TMEM242: variants seen among roughly 807,000 people sequenced by gnomAD.
TMEM242 encodes transmembrane protein 242.
A neutral mutation model predicts 18.2 loss-of-function variants in TMEM242; 10 were observed. That is an observed-to-expected ratio of 0.55 (90% CI 0.34 to 0.93). TMEM242 has a LOEUF of 0.93. Among genes scored for constraint, TMEM242 ranks in the 40% least tolerant of loss-of-function variants. TMEM242 has a pLI of 0.02. For synonymous variants in TMEM242, 57 were observed against 69.9 expected (o/e 0.81, Z 0.92); for missense variants, 186 against 175.5 (o/e 1.06, Z -0.34).
chr6:157,317,847 T>C (rs1554250481), intron 3 of TMEM242, among the ~76,000 whole-genome samples: 2 of 152,242 alleles, frequency 1.3e-5, no homozygotes, highest in African/African-American at 4.8e-5. Flanking sequence ...AAATCTTTGC[T>C]GACTTGACCT....
At chr6:157,310,001 G>C (rs1002190205) in intron 3 of TMEM242, among the ~76,000 whole-genome samples, 2 of 152,084 alleles carry the variant, frequency 1.3e-5, no homozygotes, top group Non-Finnish European at 2.9e-5. Flanking sequence ...ATAGAGCACA[G>C]GTCCACAGAC....
rs912869011 is a variant in TMEM242, at chr6:157,291,169, A to C, written c.*1732T>G. Reference sequence around the variant, plus strand: ...CAGTTAACAATGATTTCTCCTTTTAACACTCCAGACAGGTGGGCAAGTCTC... The same window carrying C: ...CAGTTAACAATGATTTCTCCTTTTACCACTCCAGACAGGTGGGCAAGTCTC... On this transcript the variant is annotated 3_prime_UTR_variant, in exon 4 of 4. Transcript: ENST00000400788. 3.3e-5 allele frequency: 5 copies of C among 152,210 alleles called. No homozygotes were observed. The highest frequency in any genetic ancestry group is 7.3e-5 in the Non-Finnish European group (5 of 68,046). 9.4% of individuals were successfully genotyped at this position (152,210 alleles called of 1,614,324 possible).
chr6:157,310,502 C>T (rs1777994979), intron 3 of TMEM242, among the ~76,000 whole-genome samples: 2 of 151,350 alleles, frequency 1.3e-5, no homozygotes, highest in Admixed American at 1.3e-4. Flanking sequence ...ATCATAGTGT[C>T]CCAGTGTACA....
chr6:157,310,579 C>T (rs933376616), intron 3 of TMEM242, among the ~76,000 whole-genome samples: 13 of 147,086 alleles, frequency 8.8e-5, no homozygotes, highest in Non-Finnish European at 7.4e-5. Flanking sequence ...CCCCAGTGTG[C>T]GCTCACCCGG....
intron 3 of TMEM242, among the ~76,000 whole-genome samples, chr6:157,296,485 G>A (rs1423893824): frequency 6.6e-6 from 1 of 152,124 alleles, no homozygotes; most frequent in Admixed American, 6.5e-5. Flanking sequence ...CCAGGAATTC[G>A]AGACCTGGCC....
At chr6:157,313,171 T>A (rs797027549) in intron 3 of TMEM242, among the ~76,000 whole-genome samples, 1 of 23,972 alleles carries the variant, frequency 4.2e-5, no homozygotes, top group East Asian at 1.0e-3. Flanking sequence ...CATCATAGTG[T>A]CCCACTGTGC....
intron 3 of TMEM242, among the ~76,000 whole-genome samples, chr6:157,302,778 A>AAAT (rs587643970): frequency 1.5e-3 from 229 of 152,294 alleles, no homozygotes; most frequent in Non-Finnish European, 2.2e-3. Context: ...CCTGACTCAA[A>AAAT]TTATCTATTC....
intron 2 of TMEM242, 124 bp from the exon 3 acceptor site, chr6:157,319,043 G>T (rs782457776): frequency 9.1e-6 from 9 of 994,294 alleles, no homozygotes; most frequent in Non-Finnish European, 1.2e-5. Context: ...TCAACCCAAG[G>T]TCTAATTCTG....
At chr6:157,315,616 T>G (rs140756680) in intron 3 of TMEM242, among the ~76,000 whole-genome samples, 2,163 of 152,342 alleles carry the variant, frequency 0.014, 48 homozygotes, top group African/African-American at 0.049. Flanking sequence ...TATTTCCTAC[T>G]TATCACTGGA....
chr6:157,304,212 T>A (rs1418724715), intron 3 of TMEM242, among the ~76,000 whole-genome samples: 9 of 152,086 alleles, frequency 5.9e-5, no homozygotes, highest in Admixed American at 5.9e-4. Flanking sequence ...GCACCTGTGA[T>A]CCAAGCACTT....
intron 2 of TMEM242, among the ~76,000 whole-genome samples, chr6:157,319,770 A>G (rs1554250605): frequency 1.3e-5 from 2 of 152,214 alleles, no homozygotes; most frequent in Non-Finnish European, 2.9e-5. Context: ...AGGCTAATGG[A>G]TAGAAGTCTG....
chr6:157,323,477 G>T lies in TMEM242; in HGVS notation c.23C>A (p.Thr8Asn). METAGAA[T>N]GQPASGLEAP... ...CTCCAGCCCAGAGGCCGGCTGCCCA[G>T]TTGCAGCGCCCGCTGTCTCCATGTT... The change falls in exon 1 of 4, where the codon ACT (threonine) becomes AAT (asparagine). Residue 8 changes from threonine (T) to asparagine (N), a missense_variant. Transcript: ENST00000400788. 1.9e-6 allele frequency: 3 copies of T among 1,614,022 alleles called. No homozygotes were observed. The highest frequency in any genetic ancestry group is 1.7e-6 in the Non-Finnish European group (2 of 1,179,956).
At chr6:157,311,424 A>ACTCAAC (rs1299124605) in intron 3 of TMEM242, among the ~76,000 whole-genome samples, 1 of 40,058 alleles carries the variant, frequency 2.5e-5, no homozygotes, top group Non-Finnish European at 5.6e-5. Flanking sequence ...GTGTGCACGC[A>ACTCAAC]TACGGCCTCA....
rs1562377195 is a variant in TMEM242 at position 157,292,501 on chromosome 6, G to C, written c.*400C>G. 6.4e-6 allele frequency: 1 copy of C among 155,368 alleles called. No individual in the cohort carries two copies. The highest frequency in any genetic ancestry group is 1.9e-4 in the East Asian group (1 of 5,372). 9.6% of individuals were successfully genotyped at this position (155,368 alleles called of 1,614,324 possible). ...TCATATATTGACAAGAAAGGCTCTTGAAACTCCTTTAATTAGACACATTGC... is the reference window on the plus strand; with the variant it reads ...TCATATATTGACAAGAAAGGCTCTTCAAACTCCTTTAATTAGACACATTGC... On this transcript the variant is annotated 3_prime_UTR_variant, in exon 4 of 4. Transcript: ENST00000400788.
chr6:157,299,393 A>G (rs1777795413), intron 3 of TMEM242: 1 of 1,233,588 alleles, frequency 8.1e-7, no homozygotes, highest in Non-Finnish European at 1.2e-6. Flanking sequence ...GACACCAGCT[A>G]TGTTCACTCC....
At chr6:157,313,598 ACCCC>A (rs1778288735) in intron 3 of TMEM242, among the ~76,000 whole-genome samples, 33 of 25,222 alleles carry the variant, frequency 1.3e-3, no homozygotes, top group African/African-American at 4.0e-3. Context: ...CGCTCACCTA[ACCCC>A]ATCATAGTGC....
intron 3 of TMEM242, among the ~76,000 whole-genome samples, chr6:157,304,474 AAAAAAAAAAAAAAAAAAGAG>A (rs1238951116): frequency 1.6e-4 from 19 of 121,666 alleles, no homozygotes; most frequent in South Asian, 3.5e-4. Context: ...AAAAAAAAAA[AAAAAAAAAAAAAAAAAAGAG>A]AGAGAGAGAG....
At chr6:157,322,514 G>A (rs1249113162) in intron 2 of TMEM242, among the ~76,000 whole-genome samples, 191 bp downstream of exon 2, 1 of 152,162 alleles carries the variant, frequency 6.6e-6, no homozygotes, top group African/African-American at 2.4e-5. Flanking sequence ...ATTTAAGAAA[G>A]CACATAAGTA....
chr6:157,292,381 G>A lies in TMEM242; in HGVS notation c.*520C>T, dbSNP rs1221655450. 6.6e-6 allele frequency: 1 copy of A among 151,720 alleles called. No individual in the cohort carries two copies. Among genetic ancestry groups the A allele is most frequent in the Non-Finnish European group, 1.5e-5 (1 of 67,950 alleles). 9.4% of individuals were successfully genotyped at this position (151,720 alleles called of 1,614,324 possible). A position where few individuals can be genotyped will look rare whatever the true frequency, so the allele number is the denominator to read the frequency against. On this transcript the variant is annotated 3_prime_UTR_variant, in exon 4 of 4. Transcript: ENST00000400788. ...GCTGTAAAGCACAGACCACATTTAG[G>A]ACCCGAGAGCCACACCCACTTCCTA...
Sources: gnomAD v4.1 joint callset for allele counts (sites outside exome capture counted in the v4.1 genomes callset) on GRCh38, gnomAD v4.1.1 for gene constraint, MANE v1.5 for transcripts, NCBI Gene and HGNC (gene_info 2026-07-23, HGNC 2026-07-21) for gene names.